IQCK: variants seen among roughly 807,000 people sequenced by gnomAD.
IQCK encodes IQ domain-containing protein K.
A neutral mutation model predicts 28.1 loss-of-function variants in IQCK; 29 were observed. That is an observed-to-expected ratio of 1.03 (90% CI 0.77 to 1.41). The LOEUF is 1.41. IQCK is among the 40% of genes most tolerant of loss of function. IQCK has a pLI of 0.00. For missense variants in IQCK, 359 were observed against 314.7 expected, an observed-to-expected ratio of 1.14 and a Z score of -1.07; for synonymous variants, 113 against 115.1, an observed-to-expected ratio of 0.98 and a Z score of 0.12.
At chr16:19,843,318 T>C (rs1450198613) in intron 9 of IQCK, among the ~76,000 whole-genome samples, 1 of 152,152 alleles carries the variant, frequency 6.6e-6, no homozygotes, top group African/African-American at 2.4e-5. Context: ...TTTTAGCACA[T>C]TTTCATCACC....
rs143843899 is a variant in IQCK at position 19,845,348 on chromosome 16, T to C, written c.803-11139T>C. 6.6e-5 allele frequency among the ~76,000 whole-genome samples: 10 copies of C among 152,390 alleles called. No individual in the cohort carries two copies. In the East Asian group the frequency reaches 1.9e-3, roughly 29 times the overall value. On this transcript the variant is annotated intron_variant, in intron 9 of 9. Transcript: ENST00000320394. ...AGAGCTTCTGCCAGTCTGAACTGGC[T>C]AACAGTTTATACCCTAAACTCATTC...
In IQCK at chr16:19,718,507, C is replaced by A. The variant is rs892270993; in HGVS notation, c.181+20C>A. On this transcript the variant is annotated intron_variant, in intron 1 of 7. Transcript: ENST00000564186. Reference sequence around the variant, plus strand: ...GCAAGGGTAGGAAACCTGGGCTGGCCGAGAGGGGCGGGACCCGGGCGGCCG... The same window carrying A: ...GCAAGGGTAGGAAACCTGGGCTGGCAGAGAGGGGCGGGACCCGGGCGGCCG... The A allele has an allele frequency of 7.0e-6, 11 of 1,572,014 alleles. No individual in the cohort carries two copies. The highest frequency in any genetic ancestry group is 1.4e-5 in the African/African-American group (1 of 73,138).
intron 9 of IQCK, among the ~76,000 whole-genome samples, chr16:19,845,844 G>A (rs2056410002): frequency 6.6e-6 from 1 of 152,132 alleles, no homozygotes; most frequent in Non-Finnish European, 1.5e-5. Flanking sequence ...GGAGGCTGAG[G>A]CGGGCGGATC....
At chr16:19,840,476 C>CT (rs893550367) in intron 9 of IQCK, among the ~76,000 whole-genome samples, 14 of 152,018 alleles carry the variant, frequency 9.2e-5, no homozygotes, top group Non-Finnish European at 1.6e-4. Flanking sequence ...TGATTTTTGC[C>CT]TTTTTTTCTA....
At position 19,848,281 on chromosome 16, in the gene IQCK, T is replaced by G. The variant is rs144065326; in HGVS notation, c.803-8206T>G. The stretch of plus-strand genomic sequence containing the variant: ...CACCTTTTTATGTGCTTATCAGCCA[T>G]TGGGACCGTATTTCATTCCTAAATT... On this transcript the variant is annotated intron_variant, in intron 9 of 9. Coordinates refer to the IQCK transcript ENST00000320394. Among the ~76,000 whole-genome samples the G allele has an allele frequency of 2.3e-3, 351 of 152,292 alleles. 1 individual carries two copies. Among genetic ancestry groups the G allele is most frequent in the Admixed American group, 4.3e-3 (66 of 15,300 alleles).
chr16:19,764,163 T>A (rs1263663025), intron 6 of IQCK, 51 bp downstream of exon 6: 1 of 1,409,434 alleles, frequency 7.1e-7, no homozygotes, highest in East Asian at 2.4e-5. Context: ...TAAGATTGTG[T>A]TAATAATACT....
At position 19,853,554 on chromosome 16, in the gene IQCK, G is replaced by C. The variant is rs1025586086; in HGVS notation, c.803-2933G>C. 4.6e-5 allele frequency among the ~76,000 whole-genome samples: 7 copies of C among 152,208 alleles called. 1 individual carries two copies. The highest frequency in any genetic ancestry group is 1.0e-4 in the Non-Finnish European group (7 of 68,032). On this transcript the variant is annotated intron_variant, in intron 9 of 9. Coordinates refer to the IQCK transcript ENST00000320394. ...GAAAACTAAAGAAAACCCAAGGGCT[G>C]GGGAATTCTCCCAGAAGCCAGTCCT...
intron 1 of IQCK, among the ~76,000 whole-genome samples, chr16:19,719,015 T>TC (rs998682201): frequency 6.6e-6 from 1 of 152,134 alleles, no homozygotes; most frequent in Non-Finnish European, 1.5e-5. Flanking sequence ...TTCCTTAACC[T>TC]CCCCAGGCGG....
At chr16:19,719,180 T>G (rs1012984916) in intron 1 of IQCK, among the ~76,000 whole-genome samples, 1 of 152,108 alleles carries the variant, frequency 6.6e-6, no homozygotes, top group African/African-American at 2.4e-5. Flanking sequence ...CAAAAAGTGC[T>G]TAGCAAACTG....
intron 9 of IQCK, among the ~76,000 whole-genome samples, chr16:19,832,858 A>G (rs1041881687): frequency 6.6e-6 from 1 of 152,078 alleles, no homozygotes; most frequent in Non-Finnish European, 1.5e-5. Flanking sequence ...GGAACTGTCA[A>G]ACATAAACCA....
At chr16:19,756,779 C>T (rs765491006) in intron 4 of IQCK, among the ~76,000 whole-genome samples, 9 of 152,142 alleles carry the variant, frequency 5.9e-5, no homozygotes, top group Non-Finnish European at 1.3e-4. Flanking sequence ...TGCCTGTAGT[C>T]CCAGCTACTT....
chr16:19,764,200 A>G (rs1221309928), intron 6 of IQCK, 88 bp downstream of exon 6: 3 of 1,096,054 alleles, frequency 2.7e-6, no homozygotes, highest in Non-Finnish European at 4.0e-6. Flanking sequence ...GAACAAACTG[A>G]TGTGATCCAT....
At chr16:19,778,345 T>C (rs934198057) in intron 6 of IQCK, among the ~76,000 whole-genome samples, 4 of 151,836 alleles carry the variant, frequency 2.6e-5, no homozygotes, top group Admixed American at 2.0e-4. Flanking sequence ...TTCTGTGGGG[T>C]CTGCACTAAC....
intron 6 of IQCK, among the ~76,000 whole-genome samples, chr16:19,765,119 G>A (rs1346906171): frequency 6.7e-6 from 1 of 148,430 alleles, no homozygotes; most frequent in Non-Finnish European, 1.5e-5. Context: ...CAACTCGGGA[G>A]GCTGAGGCAG....
intron 4 of IQCK, among the ~76,000 whole-genome samples, chr16:19,747,151 T>G (rs180836110): frequency 5.1e-4 from 78 of 152,186 alleles, no homozygotes; most frequent in Non-Finnish European, 2.9e-5. Flanking sequence ...TAGCTCACTT[T>G]TTTGCAAGTT....
intron 6 of IQCK, among the ~76,000 whole-genome samples, chr16:19,768,166 C>T (rs2055269176): frequency 6.6e-6 from 1 of 152,016 alleles, no homozygotes; most frequent in East Asian, 1.9e-4. Flanking sequence ...TGATACATGC[C>T]ATCTCATTTA....
chr16:19,755,094 A>G (rs188526874), intron 4 of IQCK, among the ~76,000 whole-genome samples: 5 of 152,186 alleles, frequency 3.3e-5, no homozygotes, highest in African/African-American at 4.8e-5. Context: ...GGCCAAGTGT[A>G]TGCTTATTTC....
intron 6 of IQCK, among the ~76,000 whole-genome samples, chr16:19,784,968 C>T (rs530502994): frequency 1.7e-3 from 263 of 152,276 alleles, no homozygotes; most frequent in African/African-American, 6.1e-3. Flanking sequence ...GGGGTTTCAC[C>T]ATGTTGGCCA....
rs370300107 is a variant in IQCK, at chr16:19,718,341, T to C, written c.35T>C (p.Val12Ala). ...CCGCGGCAAATCCCCAGCCACATAG[T>C]GCGCCTCAAGCCCAGCTGCTCTACA... The change falls in exon 1 of 8, where the codon GTG (valine) becomes GCG (alanine). Residue 12 changes from valine (V) to alanine (A), a missense_variant. Transcript: ENST00000564186. The C allele has an allele frequency of 4.8e-5, 78 of 1,610,048 alleles. No homozygotes were observed. In the African/African-American group the frequency reaches 9.5e-4, roughly 20 times the overall value.
Sources: allele counts gnomAD v4.1 joint callset (sites outside exome capture counted in the v4.1 genomes callset), GRCh38; gene constraint gnomAD v4.1.1; transcripts MANE v1.5; gene names NCBI Gene and HGNC (gene_info 2026-07-23, HGNC 2026-07-21).